The following PXYLP1 variants were observed in gnomAD, a reference collection of about 807,000 sequenced individuals.
The protein encoded by PXYLP1 is 2-phosphoxylose phosphatase 1, also known as acid phosphatase-like 2.
In PXYLP1, 17 loss-of-function variants were observed where a neutral mutation model predicts 37.9. That is an observed-to-expected ratio of 0.45 (90% CI 0.31 to 0.67). PXYLP1 has a LOEUF of 0.67. Ranked by LOEUF, PXYLP1 falls within the 30% of genes least tolerant of loss-of-function variation. The pLI, the probability that PXYLP1 is intolerant of heterozygous loss-of-function variation, is 0.07. For missense variants in PXYLP1, 511 were observed against 612.0 expected, an observed-to-expected ratio of 0.84 and a Z score of 1.74; for synonymous variants, 221 against 232.2, an observed-to-expected ratio of 0.95 and a Z score of 0.44.
intron 2 of PXYLP1, chr3:141,273,027 C>T (rs762227262): frequency 8.1e-5 from 80 of 985,342 alleles, no homozygotes; most frequent in Non-Finnish European, 8.7e-5. Context: ...TTCACTGCAT[C>T]GTTTCCATAC....
chr3:141,253,907 TA>T (rs992687652), intron 1 of PXYLP1, among the ~76,000 whole-genome samples: 27 of 148,332 alleles, frequency 1.8e-4, no homozygotes, highest in Admixed American at 6.1e-4. Flanking sequence ...AAATTATGAA[TA>T]TATATATAAT....
rs1279877206 is a variant in PXYLP1, at chr3:141,248,626, C to T, written c.-53-11497C>T. Reference sequence around the variant, plus strand: ...ATATACACACGTATATATACACACACGTATATATACACACGTGTATATATA... The same window carrying T: ...ATATACACACGTATATATACACACATGTATATATACACACGTGTATATATA... On this transcript the variant is annotated intron_variant, in intron 1 of 5. Coordinates refer to ENST00000286353, the MANE Select transcript of PXYLP1 (RefSeq NM_001037172.3). Among the ~76,000 whole-genome samples the T allele has an allele frequency of 2.3e-4, 25 of 108,248 alleles. 2 individuals are homozygous for T. Among genetic ancestry groups the T allele is most frequent in the Non-Finnish European group, 3.7e-4 (22 of 59,922 alleles). The allele number at this position is 108,248 out of a possible 152,430, so 71.0% of individuals were successfully genotyped here. A position where few individuals can be genotyped will look rare whatever the true frequency, so the allele number is the denominator to read the frequency against.
At chr3:141,280,717 G>A (rs549695668) in intron 4 of PXYLP1, among the ~76,000 whole-genome samples, 9 of 152,306 alleles carry the variant, frequency 5.9e-5, no homozygotes, top group East Asian at 1.9e-4. Flanking sequence ...TCTGGGTCAC[G>A]AGCAATACCT....
At chr3:141,268,154 T>C (rs1941567193) in intron 2 of PXYLP1, among the ~76,000 whole-genome samples, 1 of 146,232 alleles carries the variant, frequency 6.8e-6, no homozygotes, top group Non-Finnish European at 1.5e-5. Flanking sequence ...TACCTTTATA[T>C]GCGGGTGGGT....
intron 4 of PXYLP1, among the ~76,000 whole-genome samples, chr3:141,285,485 A>C (rs779702328): frequency 2.6e-5 from 4 of 152,054 alleles, no homozygotes; most frequent in Non-Finnish European, 5.9e-5. Flanking sequence ...ACAAATCTTC[A>C]TCTTTGCATG....
intron 2 of PXYLP1, chr3:141,274,441 C>G (rs773112401): frequency 1.3e-6 from 2 of 1,485,336 alleles, no homozygotes; most frequent in Non-Finnish European, 1.8e-6. Flanking sequence ...CTGCTCCTCT[C>G]CTCTTCCCCT....
chr3:141,260,127 T>C lies in PXYLP1; in HGVS notation c.-49T>C, dbSNP rs370472594. On this transcript the variant is annotated 5_prime_UTR_variant, in exon 2 of 6. The change abolishes an upstream ATG in the 5' untranslated region. Coordinates refer to ENST00000286353, the MANE Select transcript of PXYLP1 (RefSeq NM_001037172.3). ...TCACCTCTGCTTTATTCACAGGACA[T>C]GTTCCCGATTTGAGGTGAAACCATG... 2 of 1,606,644 alleles carry C rather than the reference T, an allele frequency of 1.2e-6. No individual in the cohort carries two copies. The highest frequency in any genetic ancestry group is 3.3e-5 in the Admixed American group (2 of 59,972).
intron 1 of PXYLP1, among the ~76,000 whole-genome samples, chr3:141,256,623 T>C (rs2148737353): frequency 6.6e-6 from 1 of 152,376 alleles, no homozygotes; most frequent in Middle Eastern, 3.4e-3. Flanking sequence ...ATGTGAATTT[T>C]GGATTCTATC....
At chr3:141,267,913 T>C (rs1041170002) in intron 2 of PXYLP1, among the ~76,000 whole-genome samples, 1 of 131,610 alleles carries the variant, frequency 7.6e-6, no homozygotes, top group Non-Finnish European at 1.6e-5. Flanking sequence ...CTTTCTCTCT[T>C]CTTCCCTTTT....
At chr3:141,264,131 G>A (rs1226888726) in intron 2 of PXYLP1, among the ~76,000 whole-genome samples, 2 of 152,162 alleles carry the variant, frequency 1.3e-5, no homozygotes, top group Non-Finnish European at 2.9e-5. Context: ...GAGCAGAGTC[G>A]AAGGAAATGC....
At chr3:141,233,204 AC>A (rs1940573885) in intron 1 of PXYLP1, among the ~76,000 whole-genome samples, 1 of 152,290 alleles carries the variant, frequency 6.6e-6, no homozygotes, top group South Asian at 2.1e-4. Flanking sequence ...GCGGTGGCTC[AC>A]GCCTGTAATC....
At chr3:141,237,260 A>G (rs1269869112) in intron 1 of PXYLP1, among the ~76,000 whole-genome samples, 1 of 152,252 alleles carries the variant, frequency 6.6e-6, no homozygotes, top group African/African-American at 2.4e-5. Context: ...AACTTTCTGC[A>G]AGTCAAACAA....
Position 141,236,569 on chromosome 3 carries a change from G to C in PXYLP1, c.-54+4658G>C, listed in dbSNP as rs186471365. ...ACAAAACCACAGCTTGCTTTCCTAAGCTTACCTCATTCTTGGATCTAACAC... is the reference window on the plus strand; with the variant it reads ...ACAAAACCACAGCTTGCTTTCCTAACCTTACCTCATTCTTGGATCTAACAC... On this transcript the variant is annotated intron_variant, in intron 1 of 5. Coordinates refer to ENST00000286353, the MANE Select transcript of PXYLP1 (RefSeq NM_001037172.3). 1.2e-4 allele frequency among the ~76,000 whole-genome samples: 19 copies of C among 152,250 alleles called. 1 individual carries two copies. The East Asian group carries it at 3.7e-3, about 29-fold the overall frequency.
intron 2 of PXYLP1, 95 bp downstream of exon 2, chr3:141,260,349 G>A (rs1314016085): frequency 2.2e-6 from 3 of 1,373,340 alleles, no homozygotes; most frequent in African/African-American, 1.5e-5. Context: ...GAATGATGAG[G>A]CTGAAGACAA....
intron 2 of PXYLP1, among the ~76,000 whole-genome samples, chr3:141,266,503 G>A (rs926933133): frequency 6.6e-6 from 1 of 152,140 alleles, no homozygotes; most frequent in Non-Finnish European, 1.5e-5. Context: ...CCACGAAGGA[G>A]ACAGAACAGC....
chr3:141,289,269 C>G lies in PXYLP1; in HGVS notation c.505+1816C>G, dbSNP rs149448662. On this transcript the variant is annotated intron_variant, in intron 5 of 5. Transcript: ENST00000286353. ...TATTATACAAAAATGGTTTTGTGTT[C>G]TAGACACAAAAACAGAATTAGATTC... 4.7e-3 allele frequency among the ~76,000 whole-genome samples: 588 copies of G among 125,812 alleles called. 2 individuals are homozygous for G. The highest frequency in any genetic ancestry group is 0.018 in the South Asian group (78 of 4,356). 82.5% of individuals were successfully genotyped at this position (125,812 alleles called of 152,430 possible). A position where few individuals can be genotyped will look rare whatever the true frequency, so the allele number is the denominator to read the frequency against.
Position 141,294,179 on chromosome 3 carries a change from A to T in PXYLP1, c.*974A>T, listed in dbSNP as rs1942298254. ...ATTTAGTATTTTTATAGTTTAGGAA[A>T]ATATTTTCTAAGACCAGTTTTAGAT... On this transcript the variant is annotated 3_prime_UTR_variant, in exon 6 of 6. Coordinates refer to ENST00000286353, the MANE Select transcript of PXYLP1 (RefSeq NM_001037172.3). 1 of 152,186 alleles carries T rather than the reference A, an allele frequency of 6.6e-6. No homozygotes were observed. The highest frequency in any genetic ancestry group is 2.4e-5 in the African/African-American group (1 of 41,444). 9.4% of individuals were successfully genotyped at this position (152,186 alleles called of 1,614,324 possible). A position where few individuals can be genotyped will look rare whatever the true frequency, so the allele number is the denominator to read the frequency against.
intron 1 of PXYLP1, among the ~76,000 whole-genome samples, chr3:141,243,310 T>C (rs1940857124): frequency 6.6e-6 from 1 of 152,206 alleles, no homozygotes; most frequent in East Asian, 1.9e-4. Context: ...ATATGCAGGC[T>C]GTATCTATCA....
chr3:141,264,873 C>T (rs1941469433), intron 2 of PXYLP1, among the ~76,000 whole-genome samples: 1 of 152,198 alleles, frequency 6.6e-6, no homozygotes, highest in African/African-American at 2.4e-5. Flanking sequence ...TTATAAAACA[C>T]CCAGAACAGT....
Sources: gnomAD v4.1 joint callset for allele counts (sites outside exome capture counted in the v4.1 genomes callset) on GRCh38, gnomAD v4.1.1 for gene constraint, MANE v1.5 for transcripts, NCBI Gene and HGNC (gene_info 2026-07-23, HGNC 2026-07-21) for gene names.